Variants in NT5DC3 observed in about 807,000 individuals in gnomAD.
NT5DC3 encodes 5'-nucleotidase domain-containing protein 3.
In NT5DC3, 42 loss-of-function variants were observed where a neutral mutation model predicts 67.8. That is an observed-to-expected ratio of 0.62 (90% CI 0.48 to 0.80). The LOEUF (loss-of-function observed/expected upper bound fraction) is 0.80. Among genes scored for constraint, NT5DC3 ranks in the 30% least tolerant of loss-of-function variants. The probability of loss-of-function intolerance (pLI) is 0.00; values close to 1 mark genes in which losing one functional copy is unlikely to be tolerated. For synonymous variants in NT5DC3, 237 were observed against 255.6 expected (o/e 0.93, Z 0.69); for missense variants, 570 against 696.4 (o/e 0.82, Z 2.04).
downstream of NT5DC3, among the ~76,000 whole-genome samples, chr12:103,770,239 T>C (rs115049803): frequency 3.5e-3 from 540 of 152,322 alleles, 3 homozygotes; most frequent in African/African-American, 0.012. Flanking sequence ...AAACCTGTCA[T>C]TAAAAAATAA....
chr12:103,746,479 G>C, the NT5DC3 span: 1 of 876,156 alleles, frequency 1.1e-6, no homozygotes, highest in South Asian at 1.5e-5. Flanking sequence ...TCTTCCTGCT[G>C]TACAGGGGCA....
the NT5DC3 span, among the ~76,000 whole-genome samples, chr12:103,752,170 A>G: frequency 6.6e-6 from 1 of 152,218 alleles, no homozygotes; most frequent in African/African-American, 2.4e-5. Context: ...ATTTAACATC[A>G]CAGAAAATTA....
chr12:103,753,196 C>G, the NT5DC3 span: 1 of 1,612,638 alleles, frequency 6.2e-7, no homozygotes, highest in African/African-American at 1.3e-5. Flanking sequence ...CTGACCTGGG[C>G]GATTCCTCCT....
At chr12:103,755,655 C>T in the NT5DC3 span, 2 of 1,614,146 alleles carry the variant, frequency 1.2e-6, no homozygotes, top group Non-Finnish European at 1.7e-6. Flanking sequence ...GAGATGGCTT[C>T]TCATGCAGTG....
chr12:103,791,181 T>G (rs10861103), intron 9 of NT5DC3, among the ~76,000 whole-genome samples: 1 of 151,578 alleles, frequency 6.6e-6, no homozygotes, highest in Non-Finnish European at 1.5e-5. Flanking sequence ...AATAGATGTT[T>G]GGGGGAGAGG....
intron 4 of NT5DC3, among the ~76,000 whole-genome samples, chr12:103,804,777 T>C (rs1886725644): frequency 6.6e-6 from 1 of 152,168 alleles, no homozygotes; most frequent in Non-Finnish European, 1.5e-5. Context: ...CCCAGCTGGA[T>C]GCAGTGGCTC....
chr12:103,765,199 C>T, the NT5DC3 span, among the ~76,000 whole-genome samples: 320 of 151,582 alleles, frequency 2.1e-3, 2 homozygotes, highest in Non-Finnish European at 3.7e-3. Context: ...GAAACAAATG[C>T]ATACATCCTC....
intron 1 of NT5DC3, among the ~76,000 whole-genome samples, chr12:103,840,561 T>TA (rs1298528773): frequency 6.6e-6 from 1 of 151,434 alleles, no homozygotes; most frequent in Non-Finnish European, 1.5e-5. Context: ...ACTCGGCTGT[T>TA]ACTATTATTA....
chr12:103,838,663 C>T (rs1189471054), intron 1 of NT5DC3, among the ~76,000 whole-genome samples: 1 of 152,192 alleles, frequency 6.6e-6, no homozygotes, highest in African/African-American at 2.4e-5. Flanking sequence ...CAGCCAAAGA[C>T]TGGGAGCAAC....
At chr12:103,783,497 G>A (rs1246329324) in intron 12 of NT5DC3, among the ~76,000 whole-genome samples, 2 of 152,086 alleles carry the variant, frequency 1.3e-5, no homozygotes, top group African/African-American at 4.8e-5. Context: ...GAACTTAAAG[G>A]TCTCAGTGTC....
At chr12:103,840,145 G>A (rs966742672) in intron 1 of NT5DC3, among the ~76,000 whole-genome samples, 3 of 152,200 alleles carry the variant, frequency 2.0e-5, no homozygotes, top group African/African-American at 7.2e-5. Flanking sequence ...CCCATCTATA[G>A]AATGGGGATG....
At chr12:103,840,423 T>TCCATC (rs1566137843) in intron 1 of NT5DC3, among the ~76,000 whole-genome samples, 13 of 62,392 alleles carry the variant, frequency 2.1e-4, no homozygotes, top group African/African-American at 4.8e-4. Context: ...CTCATCTCAT[T>TCCATC]CCATCCCATT....
intron 2 of NT5DC3, among the ~76,000 whole-genome samples, chr12:103,809,624 C>T (rs61939569): frequency 0.19 from 29,221 of 152,136 alleles, 3,152 homozygotes; most frequent in African/African-American, 0.29. Context: ...CAGGAGAACT[C>T]GGCTTTATAA....
In NT5DC3 at chr12:103,810,413, G is replaced by C. The variant is rs4964289; in HGVS notation, c.394-3484C>G. Reference sequence around the variant, plus strand: ...CCAGTTGGTTACAGTCCTCTCCAACGGTCTCAGCTAGATTTTCAGGACTTT... The same window carrying C: ...CCAGTTGGTTACAGTCCTCTCCAACCGTCTCAGCTAGATTTTCAGGACTTT... On this transcript the variant is annotated intron_variant, in intron 2 of 13. Coordinates refer to ENST00000392876, the MANE Select transcript of NT5DC3 (RefSeq NM_001031701.3). Among the ~76,000 whole-genome samples, 11 of 152,150 alleles carry C rather than the reference G, an allele frequency of 7.2e-5. No homozygotes were observed. The East Asian group carries it at 2.1e-3, about 29-fold the overall frequency.
At chr12:103,801,147 C>T (rs1886557534) in intron 4 of NT5DC3, among the ~76,000 whole-genome samples, 1 of 152,088 alleles carries the variant, frequency 6.6e-6, no homozygotes, top group African/African-American at 2.4e-5. Flanking sequence ...AAAATTCACC[C>T]TGGTGTAGGG....
At chr12:103,771,620 G>A (rs1048011484), downstream of NT5DC3, among the ~76,000 whole-genome samples, 67 of 152,158 alleles carry the variant, frequency 4.4e-4, 1 homozygote, top group African/African-American at 1.6e-3. Context: ...ATTGTCCCCA[G>A]GGGGCACTGC....
intron 1 of NT5DC3, among the ~76,000 whole-genome samples, chr12:103,834,788 A>G (rs764387792): frequency 1.3e-5 from 2 of 152,224 alleles, no homozygotes; most frequent in African/African-American, 2.4e-5. Flanking sequence ...TGCAGGCTTC[A>G]CTCTGGGAGC....
chr12:103,838,667 G>C (rs1003552843), intron 1 of NT5DC3, among the ~76,000 whole-genome samples: 1 of 152,274 alleles, frequency 6.6e-6, no homozygotes, highest in African/African-American at 2.4e-5. Context: ...CAAAGACTGG[G>C]AGCAACCCAA....
the NT5DC3 span, among the ~76,000 whole-genome samples, chr12:103,747,613 T>C: frequency 2.0e-5 from 3 of 152,206 alleles, no homozygotes; most frequent in African/African-American, 4.8e-5. Context: ...AATCTCATCA[T>C]TGGTCATGCC....
Sources: allele counts gnomAD v4.1 joint callset (sites outside exome capture counted in the v4.1 genomes callset), GRCh38; gene constraint gnomAD v4.1.1; transcripts MANE v1.5; gene names NCBI Gene and HGNC (gene_info 2026-07-23, HGNC 2026-07-21).